Variants in RC3H1 observed in about 807,000 individuals in gnomAD.
RC3H1 encodes ring finger and CCCH-type domains 1.
A neutral mutation model predicts 138.2 loss-of-function variants in RC3H1; 50 were observed. The observed-to-expected ratio is 0.36, with a 90% confidence interval of 0.29 to 0.46. The LOEUF is 0.46. Among genes scored for constraint, RC3H1 ranks in the 20% least tolerant of loss-of-function variants. The pLI is 1.00. For missense variants in RC3H1, 1,031 were observed against 1,388.1 expected, an observed-to-expected ratio of 0.74 and a Z score of 4.09; for synonymous variants, 462 against 489.1, an observed-to-expected ratio of 0.94 and a Z score of 0.73.
Position 173,947,360 on chromosome 1 carries a change from G to A in RC3H1, c.2737+9C>T. ...ACCCTTTAGGTCAGCTTACCTCTGA[G>A]ATTCTTACCTGAAATGTTAATAGAT... On this transcript the variant is annotated intron_variant, in intron 15 of 19. Transcript: ENST00000367696. 1 of 1,598,234 alleles carries A rather than the reference G, an allele frequency of 6.3e-7. No homozygotes were observed. Among genetic ancestry groups the A allele is most frequent in the Non-Finnish European group, 8.6e-7 (1 of 1,165,702 alleles).
chr1:173,935,795 G>A lies in RC3H1; in HGVS notation c.*2926C>T, dbSNP rs1658557003. On this transcript the variant is annotated 3_prime_UTR_variant, in exon 20 of 20. Transcript: ENST00000367696. ...CTGATGAGCACTAGGAAAGCTGCAA[G>A]AATTTCCATTAGGTAAGGTGGAATG... 1 of 152,168 alleles carries A rather than the reference G, an allele frequency of 6.6e-6. No individual in the cohort carries two copies. The highest frequency in any genetic ancestry group is 2.4e-5 in the African/African-American group (1 of 41,446). The allele number at this position is 152,168 out of a possible 1,614,324, so 9.4% of individuals were successfully genotyped here.
chr1:173,940,363 C>T (rs1266626443), intron 19 of RC3H1, among the ~76,000 whole-genome samples: 2 of 152,036 alleles, frequency 1.3e-5, no homozygotes, highest in South Asian at 2.1e-4. Context: ...CCCAGCTACT[C>T]GAGAGGCTAA....
At chr1:173,979,480 T>C (rs141038790) in intron 6 of RC3H1, among the ~76,000 whole-genome samples, 105 of 152,298 alleles carry the variant, frequency 6.9e-4, no homozygotes, top group South Asian at 5.8e-3. Context: ...ACCCCGTCTC[T>C]ACTAAAGATA....
chr1:173,938,702 AAG>A lies in RC3H1; in HGVS notation c.*17_*18del. 3 of 1,578,130 alleles carry A rather than the reference AAG, an allele frequency of 1.9e-6. No homozygotes were observed. The highest frequency in any genetic ancestry group is 2.6e-6 in the Non-Finnish European group (3 of 1,159,464). Reference sequence around the variant, plus strand: ...CAAACTGATTAGGAGCAGAAGATAAAAGTAGGACTCCTCATATTTTAAGGAGC... The same window carrying A: ...CAAACTGATTAGGAGCAGAAGATAAATAGGACTCCTCATATTTTAAGGAGC... On this transcript the variant is annotated 3_prime_UTR_variant, in exon 20 of 20. Coordinates refer to ENST00000367696, the MANE Select transcript of RC3H1 (RefSeq NM_172071.4).
At chr1:173,973,828 T>A (rs1660463930) in intron 7 of RC3H1, among the ~76,000 whole-genome samples, 1 of 152,174 alleles carries the variant, frequency 6.6e-6, no homozygotes, top group Admixed American at 6.5e-5. Context: ...AAAACAAGTA[T>A]TCAAAAAAGT....
At chr1:173,965,634 T>C (rs1369816177) in intron 9 of RC3H1, among the ~76,000 whole-genome samples, 1 of 152,210 alleles carries the variant, frequency 6.6e-6, no homozygotes, top group Non-Finnish European at 1.5e-5. Flanking sequence ...ATGCTATTAA[T>C]ATTTTTGCTA....
rs773077014 is a variant in RC3H1 at position 173,961,205 on chromosome 1, G to A, written c.2242C>T (p.His748Tyr). 2 of 1,613,858 alleles carry A rather than the reference G, an allele frequency of 1.2e-6. No homozygotes were observed. The highest frequency in any genetic ancestry group is 1.7e-6 in the Non-Finnish European group (2 of 1,179,928). ...YSRLPPPPQPHPSLDELHRRR... is the reference protein window; with the variant it reads ...YSRLPPPPQPYPSLDELHRRR... ...CGATGTAGTTCATCTAGACTAGGAT[G>A]AGGCTGGGGAGGAGGAGGAAGCCGG... The change falls in exon 13 of 20, where the codon CAT becomes TAT. Residue 748 changes from histidine to tyrosine, a missense_variant. His to Tyr is a moderately conservative substitution (Grantham distance 83). Around this residue, in one of 7 missense-constraint regions of RC3H1, gnomAD observed 716 missense variants for 837.9 expected, o/e 0.85. Coordinates refer to ENST00000367696, the MANE Select transcript of RC3H1 (RefSeq NM_172071.4).
intron 13 of RC3H1, among the ~76,000 whole-genome samples, chr1:173,959,302 A>G (rs1449740374): frequency 1.3e-5 from 2 of 152,194 alleles, no homozygotes; most frequent in Non-Finnish European, 2.9e-5. Flanking sequence ...TCTCTATATT[A>G]ATAATAGAAA....
At chr1:173,951,183 G>A (rs1406116855) in intron 14 of RC3H1, among the ~76,000 whole-genome samples, 2 of 152,090 alleles carry the variant, frequency 1.3e-5, no homozygotes, top group African/African-American at 4.8e-5. Flanking sequence ...AAATTAGCTG[G>A]CCGTGGTGGC....
chr1:173,985,622 C>CT (rs565185892), intron 2 of RC3H1, among the ~76,000 whole-genome samples: 8 of 151,228 alleles, frequency 5.3e-5, no homozygotes, highest in South Asian at 2.1e-4. Flanking sequence ...CATCACCTCA[C>CT]TTTTTTTTTG....
chr1:173,947,210 G>A (rs960161727), intron 15 of RC3H1, among the ~76,000 whole-genome samples, 159 bp downstream of exon 15: 13 of 152,052 alleles, frequency 8.5e-5, no homozygotes, highest in Non-Finnish European at 1.6e-4. Flanking sequence ...AAAATTCTCT[G>A]GGTTATATTA....
Position 173,993,077 on chromosome 1 carries a change from T to A in RC3H1, c.-92A>T. Reference sequence around the variant, plus strand: ...ATCAAAATCTTTGAAAAAAAGTTTATCTTTTTTTTTTTTAAATATCTTCTG... The same window carrying A: ...ATCAAAATCTTTGAAAAAAAGTTTAACTTTTTTTTTTTTAAATATCTTCTG... On this transcript the variant is annotated 5_prime_UTR_variant, in exon 2 of 20. Coordinates refer to ENST00000367696, the MANE Select transcript of RC3H1 (RefSeq NM_172071.4). The A allele has an allele frequency of 4.4e-6, 4 of 905,392 alleles. No homozygotes were observed. The highest frequency in any genetic ancestry group is 6.8e-6 in the Non-Finnish European group (4 of 585,938). 56.1% of individuals were successfully genotyped at this position (905,392 alleles called of 1,614,324 possible). A position where few individuals can be genotyped will look rare whatever the true frequency, so the allele number is the denominator to read the frequency against.
chr1:173,990,109 G>A (rs954408950), intron 2 of RC3H1, among the ~76,000 whole-genome samples: 3 of 148,254 alleles, frequency 2.0e-5, no homozygotes, highest in East Asian at 2.0e-4. Context: ...TGACAGAGTC[G>A]CTCTGTCACC....
chr1:173,979,747 G>A (rs12566022), intron 6 of RC3H1, among the ~76,000 whole-genome samples: 14,171 of 152,198 alleles, frequency 0.093, 885 homozygotes, highest in East Asian at 0.22. Flanking sequence ...AAGCGTTTCC[G>A]TAAATTATAA....
At position 173,936,507 on chromosome 1, in the gene RC3H1, C is replaced by T. The variant is rs1192550043; in HGVS notation, c.*2214G>A. The T allele has an allele frequency of 1.6e-5, 2 of 127,808 alleles. No homozygotes were observed. Among genetic ancestry groups the T allele is most frequent in the Non-Finnish European group, 3.2e-5 (2 of 61,788 alleles). The allele number at this position is 127,808 out of a possible 1,614,324, so 7.9% of individuals were successfully genotyped here. On this transcript the variant is annotated 3_prime_UTR_variant, in exon 20 of 20. Transcript: ENST00000367696. ...CCAGCCTGGGCAACAGAAGCAGACT[C>T]CCTCTCCAAAAAAAAAAAAAAAAAA...
chr1:173,983,379 A>G (rs376215079), intron 4 of RC3H1, 39 bp downstream of exon 4: 70 of 1,608,670 alleles, frequency 4.4e-5, no homozygotes, highest in Middle Eastern at 1.7e-4. Flanking sequence ...ATACTTTTAG[A>G]ATTACCAGCA....
intron 1 of RC3H1, among the ~76,000 whole-genome samples, chr1:174,013,068 T>C (rs1194434638): frequency 6.6e-6 from 1 of 151,778 alleles, no homozygotes; most frequent in Non-Finnish European, 1.5e-5. Flanking sequence ...TAAAAAGAGA[T>C]GATGCTGTGA....
intron 4 of RC3H1, 107 bp downstream of exon 4, chr1:173,983,311 G>T: frequency 7.5e-7 from 1 of 1,342,046 alleles, no homozygotes; most frequent in Non-Finnish European, 1.0e-6. Context: ...ATATTAGTTG[G>T]TAACAATAAA....
At chr1:173,970,417 T>C in intron 9 of RC3H1, 88 bp downstream of exon 9, 1 of 834,966 alleles carries the variant, frequency 1.2e-6, no homozygotes, top group Admixed American at 1.9e-5. Context: ...TCATTTAAGA[T>C]AAAGCAGCTA....
Sources: gnomAD v4.1 joint callset for allele counts (sites outside exome capture counted in the v4.1 genomes callset) on GRCh38, gnomAD v4.1.1 for gene constraint, gnomAD v4.1.1 regional missense constraint, MANE v1.5 for transcripts, NCBI Gene and HGNC (gene_info 2026-07-23, HGNC 2026-07-21) for gene names.